HOXB3: variants seen among roughly 807,000 people sequenced by gnomAD.
HOXB3 encodes homeobox protein Hox-B3.
Under a neutral mutation model 29.2 loss-of-function variants are expected in HOXB3, and 17 were observed. The ratio of observed to expected loss-of-function variants is 0.58; its 90% CI spans 0.40 to 0.87. HOXB3 has a LOEUF of 0.87. HOXB3 is among the 40% of genes least tolerant of loss of function. The pLI is 0.00. For missense variants in HOXB3, 637 were observed against 616.3 expected, an observed-to-expected ratio of 1.03 and a Z score of -0.35; for synonymous variants, 317 against 285.9, an observed-to-expected ratio of 1.11 and a Z score of -1.10.
intron 2 of HOXB3, among the ~76,000 whole-genome samples, chr17:48,561,443 A>C (rs2144805551): frequency 6.6e-6 from 1 of 152,326 alleles, no homozygotes; most frequent in Non-Finnish European, 1.5e-5. Context: ...TCCAGATTCC[A>C]GTGGATTTCC....
At chr17:48,563,044 C>T (rs565420976) in intron 2 of HOXB3, among the ~76,000 whole-genome samples, 3 of 152,298 alleles carry the variant, frequency 2.0e-5, no homozygotes, top group East Asian at 1.9e-4. Context: ...CGGATCTCCC[C>T]GATCTTCCCT....
At chr17:48,565,042 G>A (rs1328651050) in intron 2 of HOXB3, among the ~76,000 whole-genome samples, 9 of 152,128 alleles carry the variant, frequency 5.9e-5, no homozygotes, top group Non-Finnish European at 1.3e-4. Context: ...GATGTGGAAT[G>A]GAGGTGAAAG....
intron 2 of HOXB3, among the ~76,000 whole-genome samples, chr17:48,565,815 A>C (rs974166011): frequency 6.6e-6 from 1 of 152,140 alleles, no homozygotes; most frequent in Non-Finnish European, 1.5e-5. Context: ...CCTCCAGGAC[A>C]GCCTCCCTTC....
intron 2 of HOXB3, among the ~76,000 whole-genome samples, chr17:48,561,562 C>T (rs1380371810): frequency 6.6e-6 from 1 of 152,236 alleles, no homozygotes; most frequent in African/African-American, 2.4e-5. Flanking sequence ...AGCTCCAGGA[C>T]ACACAAGGGA....
chr17:48,562,082 T>C (rs1006812155), intron 2 of HOXB3, among the ~76,000 whole-genome samples: 9 of 152,220 alleles, frequency 5.9e-5, no homozygotes, highest in African/African-American at 1.9e-4. Flanking sequence ...TAGAGGCTCA[T>C]GCACTGCGTT....
intron 1 of HOXB3, among the ~76,000 whole-genome samples, chr17:48,585,868 C>A (rs1272485383): frequency 6.6e-6 from 1 of 152,228 alleles, no homozygotes; most frequent in Non-Finnish European, 1.5e-5. Context: ...CCTAGGTGTG[C>A]CTTTCCGTCC....
At chr17:48,579,414 T>G (rs913327078) in intron 1 of HOXB3, 2 of 152,502 alleles carry the variant, frequency 1.3e-5, no homozygotes, top group African/African-American at 4.8e-5. Flanking sequence ...TCCTTGGTAA[T>G]CGAGTATTTC....
Position 48,550,088 on chromosome 17 carries a change from T to TG in HOXB3, c.*245dup, listed in dbSNP as rs1242019738. 2 of 492,974 alleles carry TG rather than the reference T, an allele frequency of 4.1e-6. No individual in the cohort carries two copies. The highest frequency in any genetic ancestry group is 3.6e-5 in the Admixed American group (1 of 28,110). 30.5% of individuals were successfully genotyped at this position (492,974 alleles called of 1,614,324 possible). On this transcript the variant is annotated 3_prime_UTR_variant, in exon 5 of 5. Transcript: ENST00000498678. ...GGTAGTGCTGGAGCCCTGGGGTTGA[T>TG]GGGGTCATCTCCAATATGATGTGGA...
rs773044201 is a variant in HOXB3, at chr17:48,578,121, C to T, written c.-424-4107G>A. 2.9e-6 allele frequency: 4 copies of T among 1,361,898 alleles called. No individual in the cohort carries two copies. In the East Asian group the frequency reaches 1.2e-4, roughly 41 times the overall value. 84.4% of individuals were successfully genotyped at this position (1,361,898 alleles called of 1,614,324 possible). On this transcript the variant is annotated intron_variant, in intron 1 of 4. Transcript: ENST00000498678. ...GGCGGGGGCCCAGGGTCCCGGCAGG[C>T]CGCGTAGCGCTGCACGGTGCACGCC...
chr17:48,577,117 T>C (rs2069791000), intron 1 of HOXB3: 1 of 1,216,306 alleles, frequency 8.2e-7, no homozygotes, highest in Non-Finnish European at 1.1e-6. Context: ...CCTCCCTCCC[T>C]CTCCCGCCAC....
At chr17:48,578,226 C>T (rs1190176505) in intron 1 of HOXB3, 30 of 1,613,830 alleles carry the variant, frequency 1.9e-5, no homozygotes, top group Non-Finnish European at 2.5e-5. Context: ...GGCGAGTGGT[C>T]GCTGGGTAGG....
rs138198807 is a variant in HOXB3 at position 48,577,011 on chromosome 17, T to C, written c.-424-2997A>G. ...GCGCTTGGGCTCCCCGCCGGCGTAA[T>C]TGGGGTTTACTGGACACACACGGAG... On this transcript the variant is annotated intron_variant, in intron 1 of 4. Transcript: ENST00000498678. 45 of 1,602,838 alleles carry C rather than the reference T, an allele frequency of 2.8e-5. 1 individual carries two copies. Among genetic ancestry groups the C allele is most frequent in the South Asian group, 4.4e-5 (4 of 90,266 alleles).
Position 48,550,181 on chromosome 17 carries a change from C to T in HOXB3, c.*153G>A. 1 of 983,820 alleles carries T rather than the reference C, an allele frequency of 1.0e-6. No homozygotes were observed. The highest frequency in any genetic ancestry group is 1.5e-6 in the Non-Finnish European group (1 of 679,630). 60.9% of individuals were successfully genotyped at this position (983,820 alleles called of 1,614,324 possible). A position where few individuals can be genotyped will look rare whatever the true frequency, so the allele number is the denominator to read the frequency against. On this transcript the variant is annotated 3_prime_UTR_variant, in exon 5 of 5. Coordinates refer to ENST00000498678, the MANE Select transcript of HOXB3 (RefSeq NM_001384749.1). The stretch of plus-strand genomic sequence containing the variant: ...AAGACTTAAAAGCAACCTCTCAGGC[C>T]AGGGGGAAGGGAAGGAGCTCCAGGC...
intron 1 of HOXB3, among the ~76,000 whole-genome samples, chr17:48,586,592 C>G (rs2144919546): frequency 6.6e-6 from 1 of 152,276 alleles, no homozygotes; most frequent in African/African-American, 2.4e-5. Context: ...GTTGATTTCC[C>G]CTTTCAGGAT....
chr17:48,573,514 G>C (rs2069654784), intron 2 of HOXB3, among the ~76,000 whole-genome samples: 1 of 152,166 alleles, frequency 6.6e-6, no homozygotes, highest in African/African-American at 2.4e-5. Context: ...CGCTGTGCCT[G>C]CCTGCATTTT....
intron 2 of HOXB3, among the ~76,000 whole-genome samples, chr17:48,569,358 C>T (rs923517168): frequency 2.6e-5 from 4 of 152,130 alleles, no homozygotes; most frequent in African/African-American, 9.7e-5. Context: ...GTCTCCCACA[C>T]TCACATCCAT....
At position 48,574,009 on chromosome 17, in the gene HOXB3, G is replaced by T; in HGVS notation, c.-419C>A. ...TTTCCCCCAACAGCCGGTCCAAGGA[G>T]ATTTGCTGTTGAATAATAACAAAGG... is the stretch of plus-strand genomic sequence containing the variant. On this transcript the variant is annotated 5_prime_UTR_variant, in exon 2 of 5. Coordinates refer to ENST00000498678, the MANE Select transcript of HOXB3 (RefSeq NM_001384749.1). 1 of 637,954 alleles carries T rather than the reference G, an allele frequency of 1.6e-6. No individual in the cohort carries two copies. The highest frequency in any genetic ancestry group is 1.8e-5 in the South Asian group (1 of 56,240). 39.5% of individuals were successfully genotyped at this position (637,954 alleles called of 1,614,324 possible).
rs772221462 is a variant in HOXB3 at position 48,552,374 on chromosome 17, T to G, written c.101A>C (p.Gln34Pro). 3 of 1,611,716 alleles carry G rather than the reference T, an allele frequency of 1.9e-6. No homozygotes were observed. The highest frequency in any genetic ancestry group is 2.7e-5 in the African/African-American group (2 of 74,670). ...GTGCGTGGCGGCCTGAAATGGGGGT[T>G]GGGGGGGGACATCGAAGCCGAAGCC... The part of the protein sequence containing the change: ...SNGFGFDVPP[Q>P]PPFQAATHLE... Residue 34 changes from glutamine to proline, a missense_variant, in exon 4 of 5, where the codon CAA (glutamine) becomes CCA (proline). By Grantham distance (76) the Gln-to-Pro change is moderately conservative (BLOSUM62 -1). Transcript: ENST00000498678.
Position 48,550,378 on chromosome 17 carries a change from G to A in HOXB3, c.1252C>T (p.Pro418Ser). ...TDLSSHHAPP[P>S]QGRIQEAPKL... ...GGCGCTTCTTGGATTCTACCCTGAG[G>A]AGGAGGCGCGTGGTGAGAGGAGAGG... is the stretch of plus-strand genomic sequence containing the variant. Residue 418 changes from proline to serine, a missense_variant, in exon 5 of 5, where the codon CCT becomes TCT. Transcript: ENST00000498678. 1 of 1,614,146 alleles carries A rather than the reference G, an allele frequency of 6.2e-7. No homozygotes were observed. Among genetic ancestry groups the A allele is most frequent in the East Asian group, 2.2e-5 (1 of 44,872 alleles).
Sources: gnomAD v4.1 joint callset for allele counts (sites outside exome capture counted in the v4.1 genomes callset) on GRCh38, gnomAD v4.1.1 for gene constraint, MANE v1.5 for transcripts, NCBI Gene and HGNC (gene_info 2026-07-23, HGNC 2026-07-21) for gene names.